Variants in UROS observed in about 807,000 individuals in gnomAD.
The protein encoded by UROS is uroporphyrinogen-III synthase.
A neutral mutation model predicts 33.0 loss-of-function variants in UROS; 18 were observed. The observed-to-expected ratio is 0.55, with a 90% confidence interval of 0.38 to 0.81. The LOEUF is 0.81. Among genes scored for constraint, UROS ranks in the 30% least tolerant of loss-of-function variants. The probability of loss-of-function intolerance (pLI) is 0.00; values close to 1 mark genes in which losing one functional copy is unlikely to be tolerated. For missense variants in UROS, 293 were observed against 314.9 expected (o/e 0.93, Z 0.53); for synonymous variants, 114 against 121.1 (o/e 0.94, Z 0.38).
intron 3 of UROS, among the ~76,000 whole-genome samples, chr10:125,815,340 C>T (rs911858138): frequency 6.6e-6 from 1 of 152,086 alleles, no homozygotes; most frequent in Admixed American, 6.5e-5. Context: ...ATTCCTTATT[C>T]CCAGTATTTC....
chr10:125,811,913 A>G (rs1202767427), intron 5 of UROS, among the ~76,000 whole-genome samples: 1 of 152,194 alleles, frequency 6.6e-6, no homozygotes, highest in East Asian at 1.9e-4. Context: ...TGCATAATTC[A>G]GTGGCATTAT....
chr10:125,803,116 A>G, intron 6 of UROS: 1 of 1,575,578 alleles, frequency 6.3e-7, no homozygotes, highest in South Asian at 1.1e-5. Flanking sequence ...CTTTGGAGTC[A>G]GCCAGTCCTA....
rs184065118 is a variant in UROS at position 125,808,346 on chromosome 10, G to A, written c.320-859C>T. Reference sequence around the variant, plus strand: ...GGCAGCTTTAATAAAAACACCAGCAGCTTTTAACTTATGGATCATTAAAAA... The same window carrying A: ...GGCAGCTTTAATAAAAACACCAGCAACTTTTAACTTATGGATCATTAAAAA... On this transcript the variant is annotated intron_variant, in intron 5 of 9. Transcript: ENST00000368797. Among the ~76,000 whole-genome samples the A allele has an allele frequency of 3.4e-4, 51 of 151,778 alleles. No homozygotes were observed. The East Asian group carries it at 8.7e-3, about 26-fold the overall frequency.
intron 8 of UROS, among the ~76,000 whole-genome samples, chr10:125,795,719 T>C (rs1851297074): frequency 6.6e-6 from 1 of 152,124 alleles, no homozygotes; most frequent in South Asian, 2.1e-4. Flanking sequence ...TACCTCAGGG[T>C]TGTATGTATC....
intron 7 of UROS, among the ~76,000 whole-genome samples, chr10:125,796,414 A>G (rs191719980): frequency 1.2e-3 from 178 of 152,334 alleles, no homozygotes; most frequent in Non-Finnish European, 1.6e-3. Context: ...GAGACGGCAG[A>G]AAAAGAACAA....
intron 1 of UROS, among the ~76,000 whole-genome samples, chr10:125,821,365 G>A (rs1020273380): frequency 2.0e-5 from 3 of 152,238 alleles, no homozygotes; most frequent in African/African-American, 7.2e-5. Context: ...AAGACATCAT[G>A]CTGAATGAAA....
rs1222430154 is a variant in UROS, at chr10:125,794,937, G to C, written c.603C>G (p.Leu201=). The change falls in exon 9 of 10, where the codon CTC becomes CTG. Residue 201 remains leucine, a synonymous_variant. Transcript: ENST00000368797. ...CCTGAATGTGCTTGAGACTGTATGT[G>C]AGGCCAGAGGGACTAAAAAATGTGA... ...ASITFFSPSG[L]TYSLKHIQEL... 1.2e-6 allele frequency: 2 copies of C among 1,614,166 alleles called. No homozygotes were observed. The highest frequency in any genetic ancestry group is 1.1e-5 in the South Asian group (1 of 91,084).
At chr10:125,812,426 A>C in intron 4 of UROS, 138 bp from the exon 5 acceptor site, 1 of 755,650 alleles carries the variant, frequency 1.3e-6, no homozygotes, top group Non-Finnish European at 2.2e-6. Flanking sequence ...CAGCATCTCA[A>C]ACTAAAATTC....
At chr10:125,802,174 C>CA (rs1407874610) in intron 6 of UROS, 1 of 985,372 alleles carries the variant, frequency 1.0e-6, no homozygotes, top group Non-Finnish European at 1.2e-6. Context: ...TGGAGCCAGA[C>CA]AAGACCCATC....
At chr10:125,806,884 T>G (rs1246038581) in intron 6 of UROS, among the ~76,000 whole-genome samples, 1 of 152,228 alleles carries the variant, frequency 6.6e-6, no homozygotes, top group Non-Finnish European at 1.5e-5. Context: ...CCTATGTATC[T>G]TCTGAAGCCT....
intron 1 of UROS, 25 bp from the exon 2 acceptor site, chr10:125,816,550 CT>C: frequency 6.2e-7 from 1 of 1,611,334 alleles, no homozygotes; most frequent in South Asian, 1.1e-5. Context: ...GGAAACAGAT[CT>C]TAATTAGATC....
Position 125,816,274 on chromosome 10 carries a change from A to G in UROS, c.64-14T>C, listed in dbSNP as rs1853311569. 3 of 1,612,814 alleles carry G rather than the reference A, an allele frequency of 1.9e-6. No individual in the cohort carries two copies. The highest frequency in any genetic ancestry group is 2.5e-6 in the Non-Finnish European group (3 of 1,178,778). On this transcript the variant is annotated splice_polypyrimidine_tract_variant and intron_variant, in intron 2 of 9. Coordinates refer to ENST00000368797, the MANE Select transcript of UROS (RefSeq NM_000375.3). ...TAATCCTAATTCCTGAAATGAAAGA[A>G]TATAGTTCTGGATTGGCTAGGGCTG...
At position 125,816,253 on chromosome 10, in the gene UROS, C is replaced by T. The variant is rs751651483; in HGVS notation, c.71G>A (p.Gly24Glu). 1 of 1,614,058 alleles carries T rather than the reference C, an allele frequency of 6.2e-7. No homozygotes were observed. Among genetic ancestry groups the T allele is most frequent in the East Asian group, 2.2e-5 (1 of 44,884 alleles). ...CAAAGTGGCTTCAAGTCCATATAAT[C>T]CTAATTCCTGAAATGAAAGAATATA... is the stretch of plus-strand genomic sequence containing the variant. ...CGQDPYIREL[G>E]LYGLEATLIP... The change falls in exon 3 of 10, where the codon GGA becomes GAA. Residue 24 changes from glycine to glutamate, a missense_variant. Physicochemically the swap from Gly to Glu is moderately conservative, Grantham distance 98 (BLOSUM62 -2). Transcript: ENST00000368797.
At chr10:125,794,385 G>A in intron 9 of UROS, 1 of 1,008,130 alleles carries the variant, frequency 9.9e-7, no homozygotes, top group South Asian at 4.2e-5. Context: ...GTTCAAGGGT[G>A]TTTCTATTAC....
intron 5 of UROS, among the ~76,000 whole-genome samples, chr10:125,807,751 GA>G (rs1852458401): frequency 6.6e-6 from 1 of 152,292 alleles, no homozygotes; most frequent in East Asian, 1.9e-4. Context: ...TCATCTACAA[GA>G]GGGGGAAAAA....
intron 9 of UROS, chr10:125,793,248 T>C (rs1851079858): frequency 6.6e-6 from 1 of 151,946 alleles, no homozygotes; most frequent in Non-Finnish European, 1.5e-5. Context: ...AGAGTATAAA[T>C]CTTTTGTTCT....
chr10:125,802,434 A>G, intron 6 of UROS: 3 of 986,520 alleles, frequency 3.0e-6, no homozygotes, highest in Non-Finnish European at 3.6e-6. Flanking sequence ...AGTCTGGAAC[A>G]TTCCACAGAA....
intron 3 of UROS, 73 bp downstream of exon 3, chr10:125,816,104 A>T: frequency 7.3e-7 from 1 of 1,372,852 alleles, no homozygotes; most frequent in Non-Finnish European, 1.0e-6. Flanking sequence ...ACAGTAAAAT[A>T]GTCCCTCTCT....
chr10:125,806,114 A>AACC (rs1852308559), intron 6 of UROS, among the ~76,000 whole-genome samples: 1 of 152,178 alleles, frequency 6.6e-6, no homozygotes, highest in African/African-American at 2.4e-5. Context: ...TAAGCTAGAG[A>AACC]ACCTTCAGGC....
Sources: gnomAD v4.1 joint callset for allele counts (sites outside exome capture counted in the v4.1 genomes callset) on GRCh38, gnomAD v4.1.1 for gene constraint, MANE v1.5 for transcripts, NCBI Gene and HGNC (gene_info 2026-07-23, HGNC 2026-07-21) for gene names.